Variants in KDM5A observed in about 807,000 individuals in gnomAD.
The protein encoded by KDM5A is lysine demethylase 5A, also known as lysine-specific demethylase 5A.
Under a neutral mutation model 193.5 loss-of-function variants are expected in KDM5A, and 42 were observed. The observed-to-expected ratio is 0.22, with a 90% CI of 0.17 to 0.28. The LOEUF (loss-of-function observed/expected upper bound fraction) is 0.28, where lower values mean the gene tolerates loss of function less well. KDM5A is among the 10% of genes least tolerant of loss of function. The probability of loss-of-function intolerance (pLI) is 1.00; values close to 1 mark genes in which losing one functional copy is unlikely to be tolerated. For missense variants in KDM5A, 1,692 were observed against 2,055.1 expected, an observed-to-expected ratio of 0.82 and a Z score of 3.42; for synonymous variants, 796 against 718.1, an observed-to-expected ratio of 1.11 and a Z score of -1.73.
intron 24 of KDM5A, among the ~76,000 whole-genome samples, chr12:304,043 A>AG (rs1171349030): frequency 6.6e-6 from 1 of 152,214 alleles, no homozygotes; most frequent in African/African-American, 2.4e-5. Flanking sequence ...TGTTACACTT[A>AG]AAGTCCTTGC....
At chr12:322,319 C>T (rs1327361021) in intron 17 of KDM5A, 98 bp downstream of exon 17, 1 of 1,100,214 alleles carries the variant, frequency 9.1e-7, no homozygotes, top group Non-Finnish European at 1.3e-6. Context: ...AACAAGAGGT[C>T]AAAGATAATG....
chr12:303,553 C>T (rs1298354995), intron 24 of KDM5A, among the ~76,000 whole-genome samples: 1 of 152,114 alleles, frequency 6.6e-6, no homozygotes, highest in Non-Finnish European at 1.5e-5. Flanking sequence ...AGGAGAAATA[C>T]CTAATGTGGT....
chr12:361,190 C>T (rs909427435), intron 5 of KDM5A, among the ~76,000 whole-genome samples: 3 of 150,450 alleles, frequency 2.0e-5, no homozygotes, highest in Non-Finnish European at 4.4e-5. Flanking sequence ...CATGCAGCAC[C>T]CCCCTCCATT....
chr12:295,276 G>GAAAGAGGAAAAAGT (rs1204239415), intron 26 of KDM5A, among the ~76,000 whole-genome samples: 17 of 143,282 alleles, frequency 1.2e-4, no homozygotes, highest in Admixed American at 1.1e-3. Context: ...AAGGAAAAAG[G>GAAAGAGGAAAAAGT]AAAGGAAAGA....
intron 12 of KDM5A, chr12:333,276 G>A (rs935954514): frequency 1.7e-5 from 10 of 586,238 alleles, no homozygotes; most frequent in Admixed American, 2.8e-5. Flanking sequence ...ACAATTAGCC[G>A]GGGGTGGTGG....
intron 10 of KDM5A, among the ~76,000 whole-genome samples, chr12:343,049 A>T (rs1565539967): frequency 6.6e-6 from 1 of 152,174 alleles, no homozygotes. Flanking sequence ...GACTACCTGG[A>T]AAAACGAGGC....
chr12:371,159 T>C (rs1418991710), intron 3 of KDM5A, among the ~76,000 whole-genome samples: 1 of 152,248 alleles, frequency 6.6e-6, no homozygotes, highest in African/African-American at 2.4e-5. Flanking sequence ...TCAAATGGTA[T>C]TTCTAGTTCA....
intron 3 of KDM5A, among the ~76,000 whole-genome samples, chr12:369,891 T>G (rs1048948788): frequency 6.6e-6 from 1 of 152,218 alleles, no homozygotes; most frequent in Non-Finnish European, 1.5e-5. Flanking sequence ...CCTGCATGGA[T>G]CCAGTCATGA....
chr12:322,343 G>A, intron 17 of KDM5A, 74 bp downstream of exon 17: 1 of 1,399,532 alleles, frequency 7.1e-7, no homozygotes, highest in Non-Finnish European at 9.9e-7. Flanking sequence ...GGCTTCACAG[G>A]CCGGATAAAA....
intron 10 of KDM5A, among the ~76,000 whole-genome samples, chr12:348,116 C>T (rs569854073): frequency 6.6e-6 from 1 of 152,254 alleles, no homozygotes; most frequent in East Asian, 1.9e-4. Context: ...TATGAACAGA[C>T]ACTTCTCAAA....
chr12:335,930 C>A (rs1359725905), intron 10 of KDM5A, among the ~76,000 whole-genome samples: 1 of 149,606 alleles, frequency 6.7e-6, no homozygotes, highest in Admixed American at 6.7e-5. Flanking sequence ...GTAATCCCAG[C>A]TACTGGGGAG....
intron 10 of KDM5A, 83 bp downstream of exon 10, chr12:350,538 A>G: frequency 1.5e-6 from 2 of 1,330,676 alleles, no homozygotes; most frequent in Non-Finnish European, 2.2e-6. Flanking sequence ...TAATATTTTA[A>G]GTTAATGTGA....
At chr12:347,518 C>T (rs1944094366) in intron 10 of KDM5A, among the ~76,000 whole-genome samples, 1 of 152,168 alleles carries the variant, frequency 6.6e-6, no homozygotes, top group African/African-American at 2.4e-5. Context: ...AACTATACTA[C>T]AAGGCTACAG....
At chr12:315,077 A>G (rs771808078) in intron 19 of KDM5A, among the ~76,000 whole-genome samples, 1 of 152,190 alleles carries the variant, frequency 6.6e-6, no homozygotes, top group Non-Finnish European at 1.5e-5. Flanking sequence ...GTAAGACCAG[A>G]CATTCTAGGC....
rs114305077 is a variant in KDM5A, at chr12:377,123, A to G, written c.366+6908T>C. ...AGAACAGGATTGTGAAAACCTGTAT[A>G]GAAGCACTTAGACCTCTTCCAGGCA... On this transcript the variant is annotated intron_variant, in intron 3 of 27. Transcript: ENST00000399788. Among the ~76,000 whole-genome samples the G allele has an allele frequency of 7.7e-3, 1,179 of 152,292 alleles. 11 individuals carry two copies. Among genetic ancestry groups the G allele is most frequent in the African/African-American group, 0.026 (1,088 of 41,580 alleles).
intron 3 of KDM5A, among the ~76,000 whole-genome samples, chr12:374,982 G>C (rs189979958): frequency 6.6e-6 from 1 of 152,110 alleles, no homozygotes; most frequent in African/African-American, 2.4e-5. Flanking sequence ...TGGGTAACCC[G>C]ATCTTTCTCT....
In KDM5A at chr12:307,142, G is replaced by A. The variant is rs534402393; in HGVS notation, c.3931-53C>T. 3.1e-6 allele frequency: 5 copies of A among 1,605,208 alleles called. No individual in the cohort carries two copies. The South Asian group carries it at 4.4e-5, about 14-fold the overall frequency. ...CAGCAAGACATGCTAAACAGACAGG[G>A]TAATTAATGTGTGCTTAAGATCACC... is the stretch of plus-strand genomic sequence containing the variant. On this transcript the variant is annotated intron_variant, in intron 23 of 27. Transcript: ENST00000399788. The surrounding 1 kb of genome is among the most constrained non-coding windows in gnomAD (Gnocchi z 4.3).
chr12:293,060 T>A lies in KDM5A; in HGVS notation c.4565A>T (p.Gln1522Leu), dbSNP rs374529440. The A allele has an allele frequency of 3.1e-6, 5 of 1,587,410 alleles. No individual in the cohort carries two copies. In the African/African-American group the frequency reaches 5.5e-5, roughly 17 times the overall value. ...CATTTTCTTTAACTCCTTGGACTTC[T>A]GTTTTCCTTCTCCAAAAAGTTGCTC... ...KVEQLFGEGKQKSKELKKMDK... is the reference protein window; with the variant it reads ...KVEQLFGEGKLKSKELKKMDK... Residue 1522 changes from glutamine to leucine, a missense_variant, in exon 27 of 28, where the codon CAG becomes CTG. Transcript: ENST00000399788.
At chr12:343,212 T>C (rs1244755060) in intron 10 of KDM5A, among the ~76,000 whole-genome samples, 1 of 151,436 alleles carries the variant, frequency 6.6e-6, no homozygotes, top group Non-Finnish European at 1.5e-5. Context: ...GGCAGCAGCC[T>C]GGCTGGGGGA....
Sources: gnomAD v4.1 joint callset for allele counts (sites outside exome capture counted in the v4.1 genomes callset) on GRCh38, gnomAD v4.1.1 for gene constraint, Gnocchi (gnomAD v3.1) non-coding constraint, MANE v1.5 for transcripts, NCBI Gene and HGNC (gene_info 2026-07-23, HGNC 2026-07-21) for gene names.